FGD1: variants seen among roughly 807,000 people sequenced by gnomAD.
FGD1 encodes FYVE, RhoGEF and PH domain-containing protein 1.
A neutral mutation model predicts 65.0 loss-of-function variants in FGD1; 12 were observed. The ratio of observed to expected loss-of-function variants is 0.18; its 90% CI spans 0.12 to 0.30. The LOEUF (loss-of-function observed/expected upper bound fraction) is 0.30. Ranked by LOEUF, FGD1 falls within the 10% of genes least tolerant of loss-of-function variation. The pLI, the probability that FGD1 is intolerant of heterozygous loss-of-function variation, is 1.00. For missense variants in FGD1, 542 were observed against 837.6 expected (o/e 0.65, Z 4.36); for synonymous variants, 333 against 343.9 (o/e 0.97, Z 0.35).
chrX:54,451,408 C>T (rs898707108), intron 12 of FGD1, among the ~76,000 whole-genome samples: 91 of 108,556 alleles, frequency 8.4e-4, no homozygotes, highest in Middle Eastern at 9.7e-3. Flanking sequence ...CCTCAGCCTC[C>T]CCAGTAGCTG....
chrX:54,468,082 T>C, intron 5 of FGD1, 150 bp from the exon 6 acceptor site: 1 of 512,760 alleles, frequency 2.0e-6, no homozygotes, highest in Non-Finnish European at 3.3e-6. Flanking sequence ...TAGGGTTATA[T>C]ATTGGGGAGA....
At chrX:54,465,356 A>T (rs1922735282) in intron 8 of FGD1, 95 bp downstream of exon 8, 5 of 980,498 alleles carry the variant, frequency 5.1e-6, no homozygotes, top group Non-Finnish European at 6.9e-6. Context: ...TGGAAGGCCG[A>T]CCCTGTGAAT....
intron 12 of FGD1, among the ~76,000 whole-genome samples, chrX:54,450,738 A>G (rs1922356050): frequency 9.0e-6 from 1 of 111,215 alleles, no homozygotes; most frequent in South Asian, 3.8e-4. Flanking sequence ...ATAGAACATA[A>G]AAGAAACCGT....
At chrX:54,475,383 G>A (rs753968763) in intron 1 of FGD1, among the ~76,000 whole-genome samples, 40 of 111,798 alleles carry the variant, frequency 3.6e-4, no homozygotes, top group Non-Finnish European at 7.2e-4. Flanking sequence ...AGGGCAAGCT[G>A]GAAAAGAGGG....
intron 16 of FGD1, among the ~76,000 whole-genome samples, 188 bp from the exon 17 acceptor site, chrX:54,447,642 T>C (rs1227974193): frequency 8.9e-6 from 1 of 112,794 alleles, no homozygotes; most frequent in Non-Finnish European, 1.9e-5. Flanking sequence ...AAAGCTAGGT[T>C]CGTCTGCCTC....
At chrX:54,477,291 C>A (rs1379527749) in intron 1 of FGD1, among the ~76,000 whole-genome samples, 1 of 112,085 alleles carries the variant, frequency 8.9e-6, no homozygotes, top group African/African-American at 3.2e-5. Flanking sequence ...GCAATCTTGA[C>A]CCTTACCCTC....
intron 4 of FGD1, 68 bp from the exon 5 acceptor site, chrX:54,468,944 ATTC>A (rs1922821904): frequency 1.2e-6 from 1 of 836,121 alleles, no homozygotes; most frequent in African/African-American, 2.0e-5. Flanking sequence ...AGCCCCCAGA[ATTC>A]TTAAAACAGT....
chrX:54,448,830 G>T lies in FGD1; in HGVS notation c.2412C>A (p.Pro804=). The stretch of plus-strand genomic sequence containing the variant: ...CCTCCAGGATGGACCTCCGGCGCTG[G>T]GGTGTATGCTGGCTGCAGGCTGGAC... ...GSSPACSQHT[P]QRRRSILEKQ... Residue 804 remains proline (P), a synonymous_variant, in exon 16 of 18, where the codon CCC becomes CCA. Coordinates refer to ENST00000375135, the MANE Select transcript of FGD1 (RefSeq NM_004463.3). The T allele has an allele frequency of 1.7e-6, 2 of 1,211,710 alleles. No homozygotes were observed. Among genetic ancestry groups the T allele is most frequent in the Non-Finnish European group, 2.2e-6 (2 of 895,463 alleles).
intron 8 of FGD1, among the ~76,000 whole-genome samples, chrX:54,463,671 G>T (rs1922690441): frequency 9.0e-6 from 1 of 111,286 alleles, no homozygotes. Flanking sequence ...TCATGTTCAG[G>T]TCACACTGAC....
At chrX:54,489,456 G>A (rs1383351581) in intron 1 of FGD1, among the ~76,000 whole-genome samples, 1 of 111,671 alleles carries the variant, frequency 9.0e-6, no homozygotes, top group Non-Finnish European at 1.9e-5. Flanking sequence ...GTGCCACCAA[G>A]CACCTGTAAT....
intron 5 of FGD1, 133 bp from the exon 6 acceptor site, chrX:54,468,065 A>T: frequency 1.7e-6 from 1 of 577,660 alleles, no homozygotes; most frequent in Non-Finnish European, 2.9e-6. Flanking sequence ...GAGACAGGGA[A>T]TGGGGTTAGG....
rs144541805 is a variant in FGD1 at position 54,490,119 on chromosome X, G to A, written c.307+5007C>T. On this transcript the variant is annotated intron_variant, in intron 1 of 17. Transcript: ENST00000375135. Reference sequence around the variant, plus strand: ...ATACTGCATGTTCTCACTTATAAATGGGAGCTAAACATTGAGTACATATGG... The same window carrying A: ...ATACTGCATGTTCTCACTTATAAATAGGAGCTAAACATTGAGTACATATGG... Among the ~76,000 whole-genome samples, 523 of 111,912 alleles carry A rather than the reference G, an allele frequency of 4.7e-3. 1 individual carries two copies. The highest frequency in any genetic ancestry group is 8.2e-3 in the Non-Finnish European group (437 of 53,188).
intron 12 of FGD1, among the ~76,000 whole-genome samples, chrX:54,450,746 C>T (rs1007070487): frequency 9.0e-6 from 1 of 111,051 alleles, no homozygotes; most frequent in South Asian, 3.8e-4. Flanking sequence ...TAAAAGAAAC[C>T]GTGTCAATAA....
chrX:54,445,814 G>T lies in FGD1; in HGVS notation c.*295C>A. On this transcript the variant is annotated 3_prime_UTR_variant, in exon 18 of 18. Transcript: ENST00000375135. ...GGGTGGAGGCAGGATCTGTGGTAGG[G>T]TATTGAGGGATGAGGGAGAAAAACG... 3.2e-6 allele frequency: 1 copy of T among 310,803 alleles called. No individual in the cohort carries two copies. The highest frequency in any genetic ancestry group is 6.0e-5 in the South Asian group (1 of 16,614). 25.6% of individuals were successfully genotyped at this position (310,803 alleles called of 1,213,427 possible). A position where few individuals can be genotyped will look rare whatever the true frequency, so the allele number is the denominator to read the frequency against.
intron 8 of FGD1, among the ~76,000 whole-genome samples, chrX:54,462,641 C>T (rs938706292): frequency 1.1e-4 from 12 of 109,301 alleles, no homozygotes; most frequent in Non-Finnish European, 2.3e-4. Flanking sequence ...ATCTGCCCGC[C>T]TCAGCCTCCC....
chrX:54,465,418 G>T, intron 8 of FGD1, 33 bp downstream of exon 8: 1 of 1,191,411 alleles, frequency 8.4e-7, no homozygotes, highest in Non-Finnish European at 1.1e-6. Context: ...TTAGTGTGGA[G>T]AAGTAGGAAG....
At chrX:54,492,296 G>A (rs1923427641) in intron 1 of FGD1, among the ~76,000 whole-genome samples, 1 of 111,851 alleles carries the variant, frequency 8.9e-6, no homozygotes. Context: ...ATTTTTAAAA[G>A]CCTCCCCCCA....
intron 1 of FGD1, among the ~76,000 whole-genome samples, chrX:54,477,385 G>A (rs1334755593): frequency 1.8e-5 from 2 of 111,865 alleles, no homozygotes; most frequent in Non-Finnish European, 3.8e-5. Flanking sequence ...GAAGCTCAGT[G>A]GAGGAGAATG....
chrX:54,459,244 G>A (rs1239931387), intron 8 of FGD1, among the ~76,000 whole-genome samples: 2 of 111,837 alleles, frequency 1.8e-5, no homozygotes, highest in East Asian at 5.7e-4. Flanking sequence ...TGTCTCATGT[G>A]GAGTACAGAC....
Sources: gnomAD v4.1 joint callset for allele counts (sites outside exome capture counted in the v4.1 genomes callset) on GRCh38, gnomAD v4.1.1 for gene constraint, MANE v1.5 for transcripts, NCBI Gene and HGNC (gene_info 2026-07-23, HGNC 2026-07-21) for gene names.